AFF3: variants seen among roughly 807,000 people sequenced by gnomAD.
AFF3 encodes ALF transcription elongation factor 3, also known as AF4/FMR2 family member 3.
Under a neutral mutation model 129.7 loss-of-function variants are expected in AFF3, and 32 were observed. The ratio of observed to expected loss-of-function variants is 0.25; its 90% CI spans 0.19 to 0.33. AFF3 has a LOEUF of 0.33. Ranked by LOEUF, AFF3 falls within the 10% of genes least tolerant of loss-of-function variation. The pLI, the probability that AFF3 is intolerant of heterozygous loss-of-function variation, is 1.00. For synonymous variants in AFF3, 644 were observed against 635.4 expected (o/e 1.01, Z -0.20); for missense variants, 1,373 against 1,592.0 (o/e 0.86, Z 2.34).
chr2:99,593,077 C>T (rs1678879445), intron 15 of AFF3, 118 bp downstream of exon 15: 3 of 1,220,388 alleles, frequency 2.5e-6, no homozygotes, highest in East Asian at 2.5e-5. Context: ...ACACAAAACT[C>T]CTGCGGCAGC....
intron 19 of AFF3, among the ~76,000 whole-genome samples, 169 bp from the exon 20 acceptor site, chr2:99,565,792 A>T (rs555344812): frequency 6.6e-5 from 10 of 152,336 alleles, no homozygotes; most frequent in African/African-American, 2.2e-4. Flanking sequence ...ATTTTCTCAA[A>T]CTGCTACTGG....
At chr2:99,652,550 G>A (rs1685358310) in intron 12 of AFF3, among the ~76,000 whole-genome samples, 1 of 152,086 alleles carries the variant, frequency 6.6e-6, no homozygotes, top group South Asian at 2.1e-4. Context: ...AAGATAAGGG[G>A]AATTGAGACA....
intron 11 of AFF3, among the ~76,000 whole-genome samples, chr2:99,713,403 G>C (rs898814422): frequency 6.6e-6 from 1 of 151,688 alleles, no homozygotes; most frequent in Non-Finnish European, 1.5e-5. Context: ...CGAGTAGCTG[G>C]GATTACAGGC....
chr2:99,662,615 T>C (rs758312173), intron 12 of AFF3, among the ~76,000 whole-genome samples: 5 of 152,222 alleles, frequency 3.3e-5, no homozygotes, highest in African/African-American at 4.8e-5. Context: ...TGGTACTTAG[T>C]AGGTATTTGA....
intron 4 of AFF3, among the ~76,000 whole-genome samples, chr2:100,015,112 T>A (rs527756358): frequency 3.5e-4 from 54 of 152,188 alleles, no homozygotes; most frequent in African/African-American, 1.2e-3. Context: ...CCCACCTTAC[T>A]TCTTTAACAA....
At chr2:99,592,894 C>G (rs1332192565) in intron 15 of AFF3, among the ~76,000 whole-genome samples, 1 of 151,170 alleles carries the variant, frequency 6.6e-6, no homozygotes, top group African/African-American at 2.4e-5. Context: ...CGAGATTGTG[C>G]CATCGTACTC....
At chr2:99,695,436 G>C (rs547788829) in intron 11 of AFF3, among the ~76,000 whole-genome samples, 1 of 152,314 alleles carries the variant, frequency 6.6e-6, no homozygotes, top group East Asian at 1.9e-4. Context: ...ATATACTGCT[G>C]GCTCCTACAT....
intron 7 of AFF3, among the ~76,000 whole-genome samples, chr2:99,982,042 C>A (rs907891806): frequency 2.6e-5 from 4 of 152,178 alleles, no homozygotes; most frequent in Non-Finnish European, 5.9e-5. Flanking sequence ...AGCTGCTATT[C>A]CTGCACAGGG....
rs541458215 is a variant in AFF3 at position 100,037,690 on chromosome 2, A to C, written c.54-28758T>G. The stretch of plus-strand genomic sequence containing the variant: ...ATTATTTATATATAAATATATATTT[A>C]TATTTTATATATTATATATTTATAT... On this transcript the variant is annotated intron_variant, in intron 4 of 24. Transcript: ENST00000672756. 2.1e-3 allele frequency among the ~76,000 whole-genome samples: 258 copies of C among 121,642 alleles called. 1 individual carries two copies. Among genetic ancestry groups the C allele is most frequent in the South Asian group, 9.9e-3 (44 of 4,466 alleles). 79.8% of individuals were successfully genotyped at this position (121,642 alleles called of 152,430 possible). A position where few individuals can be genotyped will look rare whatever the true frequency, so the allele number is the denominator to read the frequency against.
chr2:100,137,040 T>C (rs1460446462), intron 1 of AFF3, among the ~76,000 whole-genome samples: 1 of 152,230 alleles, frequency 6.6e-6, no homozygotes, highest in Non-Finnish European at 1.5e-5. Flanking sequence ...ATAAGGAATC[T>C]ATTTATATAT....
chr2:99,927,839 G>T (rs1696374760), intron 7 of AFF3, among the ~76,000 whole-genome samples: 1 of 152,286 alleles, frequency 6.6e-6, no homozygotes, highest in East Asian at 1.9e-4. Flanking sequence ...GGTTTGGGTG[G>T]TTTTGTGTCC....
At chr2:100,002,150 T>C (rs1268099215) in intron 7 of AFF3, among the ~76,000 whole-genome samples, 2 of 152,226 alleles carry the variant, frequency 1.3e-5, no homozygotes, top group African/African-American at 2.4e-5. Flanking sequence ...CAAACTTCAA[T>C]TTGAAAACAT....
chr2:100,065,815 C>A (rs1687678060), intron 4 of AFF3, among the ~76,000 whole-genome samples: 1 of 152,116 alleles, frequency 6.6e-6, no homozygotes, highest in African/African-American at 2.4e-5. Flanking sequence ...TTTCTAAATG[C>A]ATTATCTTCA....
In AFF3 at chr2:100,098,965, A is replaced by C. The variant is rs144631128; in HGVS notation, c.53+5437T>G. Among the ~76,000 whole-genome samples the C allele has an allele frequency of 3.2e-3, 397 of 122,672 alleles. 17 individuals carry two copies. Among genetic ancestry groups the C allele is most frequent in the Non-Finnish European group, 5.5e-3 (314 of 57,294 alleles). The allele number at this position is 122,672 out of a possible 152,430, so 80.5% of individuals were successfully genotyped here. A position where few individuals can be genotyped will look rare whatever the true frequency, so the allele number is the denominator to read the frequency against. ...TGCTGCCCACAGCCCTAGCCCTGGA[A>C]GCCTCTCTTCTGAGAAGGCTTTGCC... On this transcript the variant is annotated intron_variant, in intron 4 of 24. Transcript: ENST00000672756.
At chr2:99,778,903 T>TGTGTGTGTGTGTGTGTGC (rs1684169365) in intron 8 of AFF3, among the ~76,000 whole-genome samples, 1 of 14,826 alleles carries the variant, frequency 6.7e-5, no homozygotes, top group Non-Finnish European at 1.3e-4. Flanking sequence ...TGCGCGTGTG[T>TGTGTGTGTGTGTGTGTGC]GTGTGTGTGT....
At chr2:99,856,089 G>A (rs2871310) in intron 7 of AFF3, among the ~76,000 whole-genome samples, 119,551 of 152,048 alleles carry the variant, frequency 0.79, 47,779 homozygotes, top group South Asian at 0.93. Context: ...CACAGTCTAT[G>A]GAAGTCTAAG....
At chr2:99,744,551 C>T (rs1403737271) in intron 9 of AFF3, among the ~76,000 whole-genome samples, 5 of 152,142 alleles carry the variant, frequency 3.3e-5, no homozygotes, top group Non-Finnish European at 7.4e-5. Flanking sequence ...CCTGCCCTCC[C>T]AATGCCCCAG....
chr2:99,732,272 A>G (rs1057011326), intron 10 of AFF3, among the ~76,000 whole-genome samples: 9 of 151,194 alleles, frequency 6.0e-5, no homozygotes, highest in Admixed American at 2.0e-4. Flanking sequence ...GGAGAATGGC[A>G]TGAACCTGGA....
chr2:99,604,439 T>A (rs1473890292), intron 13 of AFF3, among the ~76,000 whole-genome samples: 3 of 151,680 alleles, frequency 2.0e-5, no homozygotes, highest in African/African-American at 7.2e-5. Context: ...ACATGGACAC[T>A]GAGAAGGGAA....
Sources: gnomAD v4.1 joint callset for allele counts (sites outside exome capture counted in the v4.1 genomes callset) on GRCh38, gnomAD v4.1.1 for gene constraint, MANE v1.5 for transcripts, NCBI Gene and HGNC (gene_info 2026-07-23, HGNC 2026-07-21) for gene names.